Variants in STAT1 observed in about 807,000 individuals in gnomAD.
The protein encoded by STAT1 is signal transducer and activator of transcription 1.
A neutral mutation model predicts 111.7 loss-of-function variants in STAT1; 24 were observed. The ratio of observed to expected loss-of-function variants is 0.21; its 90% CI spans 0.16 to 0.30. The LOEUF is 0.30. Ranked by LOEUF, STAT1 falls within the 10% of genes least tolerant of loss-of-function variation. The pLI is 1.00. For synonymous variants in STAT1, 332 were observed against 326.5 expected (o/e 1.02, Z -0.18); for missense variants, 351 against 911.9 (o/e 0.38, Z 7.92).
intron 15 of STAT1, among the ~76,000 whole-genome samples, chr2:190,985,071 C>T (rs555548054): frequency 6.6e-6 from 1 of 152,316 alleles, no homozygotes; most frequent in South Asian, 2.1e-4. Flanking sequence ...GCATAAATGA[C>T]GAAAGTGTTC....
In STAT1 at chr2:190,997,821, G is replaced by T; in HGVS notation, c.785+35C>A. 1.9e-6 allele frequency: 3 copies of T among 1,613,774 alleles called. No homozygotes were observed. The South Asian group carries it at 3.3e-5, about 18-fold the overall frequency. On this transcript the variant is annotated intron_variant, in intron 9 of 24. Coordinates refer to ENST00000361099, the MANE Select transcript of STAT1 (RefSeq NM_007315.4). The surrounding 1 kb of genome is among the most constrained non-coding windows in gnomAD (Gnocchi z 7.3). ...ATTTATGTGTTTATGTGGTTAGCCAGTCAGCTGCCAGTTTTCTGCTTTGGA... is the reference window on the plus strand; with the variant it reads ...ATTTATGTGTTTATGTGGTTAGCCATTCAGCTGCCAGTTTTCTGCTTTGGA...
At position 190,990,837 on chromosome 2, in the gene STAT1, T is replaced by C. The variant is rs1268940187; in HGVS notation, c.1037+391A>G. Among the ~76,000 whole-genome samples, 3 of 152,132 alleles carry C rather than the reference T, an allele frequency of 2.0e-5. No homozygotes were observed. Among genetic ancestry groups the C allele is most frequent in the Admixed American group, 2.0e-4 (3 of 15,268 alleles). ...GCTATAAATCCATCCATCAGAAAAA[T>C]GTACATGTTATAAATCCACATTCAT... On this transcript the variant is annotated intron_variant, in intron 11 of 24. Transcript: ENST00000361099. This position sits in a 1 kb window ranked among gnomAD's most constrained non-coding sequence, Gnocchi z 5.1.
At position 190,989,477 on chromosome 2, in the gene STAT1, T is replaced by A. The variant is rs935785607; in HGVS notation, c.1097+138A>T. On this transcript the variant is annotated intron_variant, in intron 12 of 24. Coordinates refer to ENST00000361099, the MANE Select transcript of STAT1 (RefSeq NM_007315.4). This position sits in a 1 kb window ranked among gnomAD's most constrained non-coding sequence, Gnocchi z 5.0. ...GACTCTGGGTTCAGCCCTGGGGCCCTAGGGAGGCAAACTTCCACCCAGTAT... is the reference window on the plus strand; with the variant it reads ...GACTCTGGGTTCAGCCCTGGGGCCCAAGGGAGGCAAACTTCCACCCAGTAT... 3 of 600,106 alleles carry A rather than the reference T, an allele frequency of 5.0e-6. No homozygotes were observed. In the African/African-American group the frequency reaches 5.6e-5, roughly 11 times the overall value. 37.2% of individuals were successfully genotyped at this position (600,106 alleles called of 1,614,324 possible). A position where few individuals can be genotyped will look rare whatever the true frequency, so the allele number is the denominator to read the frequency against.
rs999346690 is a variant in STAT1, at chr2:190,978,123, T to A, written c.1873+733A>T. 2.6e-5 allele frequency among the ~76,000 whole-genome samples: 4 copies of A among 152,108 alleles called. No individual in the cohort carries two copies. Among genetic ancestry groups the A allele is most frequent in the Non-Finnish European group, 5.9e-5 (4 of 68,010 alleles). On this transcript the variant is annotated intron_variant, in intron 21 of 24. Transcript: ENST00000361099. The surrounding 1 kb of genome is among the most constrained non-coding windows in gnomAD (Gnocchi z 6.1). ...AAAATAAATAGAACAAGAAGAGTAT[T>A]CCATTTTGTGTCTACCCACTGAAAG...
At position 190,984,837 on chromosome 2, in the gene STAT1, G is replaced by A. The variant is rs969715081; in HGVS notation, c.1264-444C>T. Among the ~76,000 whole-genome samples the A allele has an allele frequency of 2.0e-5, 3 of 152,158 alleles. No homozygotes were observed. Among genetic ancestry groups the A allele is most frequent in the African/African-American group, 7.2e-5 (3 of 41,426 alleles). ...GCAGGTCACAAGTTGTCTTGGTTTC[G>A]GTAGAAATGGATAGATTTCAAAGTG... On this transcript the variant is annotated intron_variant, in intron 15 of 24. Coordinates refer to ENST00000361099, the MANE Select transcript of STAT1 (RefSeq NM_007315.4). This position sits in a 1 kb window ranked among gnomAD's most constrained non-coding sequence, Gnocchi z 5.2.
chr2:191,007,463 G>C lies in STAT1; in HGVS notation c.372+100C>G. On this transcript the variant is annotated intron_variant, in intron 5 of 24. Transcript: ENST00000361099. This position sits in a 1 kb window ranked among gnomAD's most constrained non-coding sequence, Gnocchi z 4.2. ...CACTTCTTGGGGCTATAAAATTAGA[G>C]AGATATTCATCATTGCTTTGACATG... 1.1e-6 allele frequency: 1 copy of C among 872,302 alleles called. No homozygotes were observed. Among genetic ancestry groups the C allele is most frequent in the Non-Finnish European group, 1.9e-6 (1 of 537,108 alleles). 54.0% of individuals were successfully genotyped at this position (872,302 alleles called of 1,614,324 possible). A position where few individuals can be genotyped will look rare whatever the true frequency, so the allele number is the denominator to read the frequency against.
chr2:191,008,909 T>C (rs1694914142), intron 4 of STAT1, 54 bp downstream of exon 4: 1 of 1,594,448 alleles, frequency 6.3e-7, no homozygotes, highest in African/African-American at 1.3e-5. Flanking sequence ...TGAAGAAAAC[T>C]GCCTTCCATA....
chr2:190,971,824 T>C lies in STAT1; in HGVS notation c.2239-1107A>G, dbSNP rs1023523088. 1.3e-5 allele frequency among the ~76,000 whole-genome samples: 2 copies of C among 152,110 alleles called. No individual in the cohort carries two copies. Among genetic ancestry groups the C allele is most frequent in the Admixed American group, 1.3e-4 (2 of 15,282 alleles). On this transcript the variant is annotated intron_variant, in intron 24 of 24. Transcript: ENST00000361099. This position sits in a 1 kb window ranked among gnomAD's most constrained non-coding sequence, Gnocchi z 4.1. Reference sequence around the variant, plus strand: ...ACCTTCCAGGTTCAAGCGATCCTCCTGCCTCAGCCCCCCTAGTAGCTGGGA... The same window carrying C: ...ACCTTCCAGGTTCAAGCGATCCTCCCGCCTCAGCCCCCCTAGTAGCTGGGA...
rs771111324 is a variant in STAT1 at position 190,980,605 on chromosome 2, C to A, written c.1632+15G>T. The A allele has an allele frequency of 5.6e-6, 9 of 1,613,888 alleles. No homozygotes were observed. In the African/African-American group the frequency reaches 1.2e-4, roughly 22 times the overall value. On this transcript the variant is annotated intron_variant, in intron 19 of 24. Coordinates refer to ENST00000361099, the MANE Select transcript of STAT1 (RefSeq NM_007315.4). The surrounding 1 kb of genome is among the most constrained non-coding windows in gnomAD (Gnocchi z 6.1). ...AAAAAGGACTTAGAGAGCATAAAACCCAGACAGTCCTCACCTTACAAAACC... is the reference window on the plus strand; with the variant it reads ...AAAAAGGACTTAGAGAGCATAAAACACAGACAGTCCTCACCTTACAAAACC...
chr2:191,005,355 C>T (rs142564065), intron 5 of STAT1, among the ~76,000 whole-genome samples: 15 of 152,322 alleles, frequency 9.8e-5, no homozygotes, highest in African/African-American at 3.6e-4. Context: ...TCATGTACCA[C>T]ATAACAATGG....
Position 190,998,585 on chromosome 2 carries a change from C to G in STAT1, c.542-277G>C, listed in dbSNP as rs1694018503. Among the ~76,000 whole-genome samples, 1 of 151,732 alleles carries G rather than the reference C, an allele frequency of 6.6e-6. No individual in the cohort carries two copies. Among genetic ancestry groups the G allele is most frequent in the African/African-American group, 2.4e-5 (1 of 41,308 alleles). ...GCTGAGGCAGGAGAACAGCATGAACCCGGGAGGCGGAGCTTGGAGTGAGCC... is the reference window on the plus strand; with the variant it reads ...GCTGAGGCAGGAGAACAGCATGAACGCGGGAGGCGGAGCTTGGAGTGAGCC... On this transcript the variant is annotated intron_variant, in intron 7 of 24. Coordinates refer to ENST00000361099, the MANE Select transcript of STAT1 (RefSeq NM_007315.4). The surrounding 1 kb of genome is among the most constrained non-coding windows in gnomAD (Gnocchi z 4.1).
intron 3 of STAT1, 72 bp from the exon 4 acceptor site, chr2:191,009,179 G>A (rs934472561): frequency 1.3e-6 from 2 of 1,528,746 alleles, no homozygotes; most frequent in Non-Finnish European, 8.9e-7. Flanking sequence ...AACAAATGTT[G>A]GTTTCCTTAT....
At chr2:191,001,731 T>G (rs1174003805) in intron 5 of STAT1, among the ~76,000 whole-genome samples, 1 of 152,214 alleles carries the variant, frequency 6.6e-6, no homozygotes, top group African/African-American at 2.4e-5. Flanking sequence ...AACCCAGACT[T>G]GCCTGGGAGT....
rs1197681996 is a variant in STAT1, at chr2:190,969,487, C to G, written c.*1216G>C. 1.3e-5 allele frequency: 2 copies of G among 152,134 alleles called. No homozygotes were observed. The highest frequency in any genetic ancestry group is 2.9e-5 in the Non-Finnish European group (2 of 68,016). 9.4% of individuals were successfully genotyped at this position (152,134 alleles called of 1,614,324 possible). On this transcript the variant is annotated 3_prime_UTR_variant, in exon 25 of 25. Coordinates refer to ENST00000361099, the MANE Select transcript of STAT1 (RefSeq NM_007315.4). The stretch of plus-strand genomic sequence containing the variant: ...GGGAAGAACCTTGTCAAACCCATCT[C>G]TTAATCTACTTTTTGTGTCAGTGAT...
Position 190,970,846 on chromosome 2 carries a change from C to T in STAT1, c.2239-129G>A, listed in dbSNP as rs1157731814. 13 of 895,646 alleles carry T rather than the reference C, an allele frequency of 1.5e-5. No homozygotes were observed. Among genetic ancestry groups the T allele is most frequent in the East Asian group, 5.1e-5 (2 of 38,942 alleles). 55.5% of individuals were successfully genotyped at this position (895,646 alleles called of 1,614,324 possible). On this transcript the variant is annotated intron_variant, in intron 24 of 24. Coordinates refer to ENST00000361099, the MANE Select transcript of STAT1 (RefSeq NM_007315.4). The surrounding 1 kb of genome is among the most constrained non-coding windows in gnomAD (Gnocchi z 5.4). ...GATACTTGCAATGGCAAATAAATAC[C>T]GTGGAATAAGAGGGCCTTCAGCATG...
Position 190,998,401 on chromosome 2 carries a change from T to C in STAT1, c.542-93A>G. On this transcript the variant is annotated intron_variant, in intron 7 of 24. Transcript: ENST00000361099. The surrounding 1 kb of genome is among the most constrained non-coding windows in gnomAD (Gnocchi z 4.1). Reference sequence around the variant, plus strand: ...AAATTTAGGATAAATATGACACAAATGCTGCCTAGTGACAGGTCAAAGTTT... The same window carrying C: ...AAATTTAGGATAAATATGACACAAACGCTGCCTAGTGACAGGTCAAAGTTT... The C allele has an allele frequency of 9.7e-7, 1 of 1,029,418 alleles. No homozygotes were observed. Among genetic ancestry groups the C allele is most frequent in the Non-Finnish European group, 1.5e-6 (1 of 660,394 alleles). 63.8% of individuals were successfully genotyped at this position (1,029,418 alleles called of 1,614,324 possible). A position where few individuals can be genotyped will look rare whatever the true frequency, so the allele number is the denominator to read the frequency against.
At position 190,983,166 on chromosome 2, in the gene STAT1, T is replaced by G. The variant is rs1692516681; in HGVS notation, c.1446+476A>C. Among the ~76,000 whole-genome samples the G allele has an allele frequency of 6.6e-6, 1 of 152,228 alleles. No homozygotes were observed. Among genetic ancestry groups the G allele is most frequent in the Non-Finnish European group, 1.5e-5 (1 of 68,038 alleles). ...ACAGAAACACACATAAACAATGTTA[T>G]GCATTGATGGGTTGACAAAAATGTT... On this transcript the variant is annotated intron_variant, in intron 17 of 24. Coordinates refer to ENST00000361099, the MANE Select transcript of STAT1 (RefSeq NM_007315.4). The surrounding 1 kb of genome is among the most constrained non-coding windows in gnomAD (Gnocchi z 5.7).
Position 191,001,113 on chromosome 2 carries a change from C to T in STAT1, c.423G>A (p.Glu141=), listed in dbSNP as rs1559021066. 1.2e-6 allele frequency: 2 copies of T among 1,614,082 alleles called. No homozygotes were observed. Among genetic ancestry groups the T allele is most frequent in the South Asian group, 1.1e-5 (1 of 91,080 alleles). The change falls in exon 6 of 25, where the codon GAG becomes GAA. Residue 141 remains glutamate (E), a synonymous_variant. Coordinates refer to ENST00000361099, the MANE Select transcript of STAT1 (RefSeq NM_007315.4). The part of the protein sequence containing the change: ...QSTVMLDKQK[E]LDSKVRNVKD... ...TCACATTTCTGACTTTACTGTCAAG[C>T]TCTTTCTGTTTGTCTAACATCACTG...
Position 190,993,526 on chromosome 2 carries a change from G to A in STAT1, c.944+1535C>T. 1 of 719,452 alleles carries A rather than the reference G, an allele frequency of 1.4e-6. No individual in the cohort carries two copies. The highest frequency in any genetic ancestry group is 2.9e-5 in the East Asian group (1 of 34,232). The allele number at this position is 719,452 out of a possible 1,614,324, so 44.6% of individuals were successfully genotyped here. Reference sequence around the variant, plus strand: ...CCAACCCCAGAGTCGCCAATCAGAAGTAATTTGAATAAATAATCAATTTGG... The same window carrying A: ...CCAACCCCAGAGTCGCCAATCAGAAATAATTTGAATAAATAATCAATTTGG... On this transcript the variant is annotated intron_variant, in intron 10 of 24. Transcript: ENST00000361099. This position sits in a 1 kb window ranked among gnomAD's most constrained non-coding sequence, Gnocchi z 4.1.
Sources: allele counts gnomAD v4.1 joint callset (sites outside exome capture counted in the v4.1 genomes callset), GRCh38; gene constraint gnomAD v4.1.1; non-coding constraint Gnocchi (gnomAD v3.1); transcripts MANE v1.5; gene names NCBI Gene and HGNC (gene_info 2026-07-23, HGNC 2026-07-21).